FARP1: variants seen among roughly 807,000 people sequenced by gnomAD.
FARP1 encodes the protein FERM, ARH/RhoGEF and pleckstrin domain protein 1.
A neutral mutation model predicts 128.8 loss-of-function variants in FARP1; 52 were observed. The observed-to-expected ratio is 0.40, with a 90% CI of 0.32 to 0.51. The LOEUF (loss-of-function observed/expected upper bound fraction) is 0.51, where lower values mean the gene tolerates loss of function less well. Among genes scored for constraint, FARP1 ranks in the 20% least tolerant of loss-of-function variants. The probability of loss-of-function intolerance (pLI) is 0.45; values close to 1 mark genes in which losing one functional copy is unlikely to be tolerated. For synonymous variants in FARP1, 580 were observed against 551.8 expected, an observed-to-expected ratio of 1.05 and a Z score of -0.72; for missense variants, 1,333 against 1,367.9, an observed-to-expected ratio of 0.97 and a Z score of 0.40.
chr13:98,273,349 T>A (rs1884474260), intron 2 of FARP1, among the ~76,000 whole-genome samples: 1 of 152,212 alleles, frequency 6.6e-6, no homozygotes, highest in East Asian at 1.9e-4. Context: ...TCCTTTGATG[T>A]CTTGCTGTCA....
At chr13:98,199,426 A>G (rs532362130) in intron 1 of FARP1, among the ~76,000 whole-genome samples, 7 of 152,342 alleles carry the variant, frequency 4.6e-5, no homozygotes, top group African/African-American at 1.2e-4. Context: ...TTTGTGTCCT[A>G]TAGGGTGTGA....
chr13:98,287,571 AT>A (rs1885244894), intron 2 of FARP1, among the ~76,000 whole-genome samples: 1 of 151,956 alleles, frequency 6.6e-6, no homozygotes, highest in Non-Finnish European at 1.5e-5. Flanking sequence ...GCTTTTACAC[AT>A]TGGCAACCAG....
chr13:98,181,862 G>T (rs575125310), intron 1 of FARP1, among the ~76,000 whole-genome samples: 1 of 151,854 alleles, frequency 6.6e-6, no homozygotes, highest in African/African-American at 2.4e-5. Context: ...TATCACACAT[G>T]GTATTTAATA....
At chr13:98,195,537 G>A (rs1430660753) in intron 1 of FARP1, among the ~76,000 whole-genome samples, 2 of 152,084 alleles carry the variant, frequency 1.3e-5, no homozygotes, top group Non-Finnish European at 2.9e-5. Context: ...CTTCAGGCGG[G>A]GCATCCAGAG....
intron 2 of FARP1, among the ~76,000 whole-genome samples, chr13:98,294,559 T>C (rs1171752496): frequency 1.3e-5 from 2 of 152,186 alleles, no homozygotes; most frequent in Non-Finnish European, 1.5e-5. Flanking sequence ...CAAGTCATTA[T>C]AGGGAAAGAT....
At chr13:98,172,308 G>A (rs991739668) in intron 1 of FARP1, among the ~76,000 whole-genome samples, 1 of 151,948 alleles carries the variant, frequency 6.6e-6, no homozygotes, top group African/African-American at 2.4e-5. Flanking sequence ...GGCAGGATCA[G>A]CAAGGCTCTG....
rs749895206 is a variant in FARP1, at chr13:98,393,730, C to T, written c.1164+12C>T. Reference sequence around the variant, plus strand: ...AAGTGCTGGAGCAGGTCAGTGATGGCGCTGTCCTATGATAACTCTGCTTTT... The same window carrying T: ...AAGTGCTGGAGCAGGTCAGTGATGGTGCTGTCCTATGATAACTCTGCTTTT... On this transcript the variant is annotated intron_variant, in intron 12 of 26. Transcript: ENST00000319562. 1.5e-5 allele frequency: 24 copies of T among 1,604,244 alleles called. No homozygotes were observed. The Middle Eastern group carries it at 4.9e-4, about 33-fold the overall frequency.
At chr13:98,424,793 G>C (rs942356841) in intron 17 of FARP1, 143 bp downstream of exon 17, 1 of 663,096 alleles carries the variant, frequency 1.5e-6, no homozygotes, top group African/African-American at 1.8e-5. Flanking sequence ...ACCCACCGCC[G>C]AGCAGCAGCT....
intron 2 of FARP1, among the ~76,000 whole-genome samples, chr13:98,260,092 G>A (rs573954700): frequency 6.6e-6 from 1 of 152,158 alleles, no homozygotes; most frequent in Non-Finnish European, 1.5e-5. Context: ...CCCATTTCAA[G>A]GAAAATTCTA....
rs1893232540 is a variant in FARP1, at chr13:98,452,214, G to C, written c.*3897G>C. 2.0e-5 allele frequency: 3 copies of C among 152,204 alleles called. No homozygotes were observed. 9.4% of individuals were successfully genotyped at this position (152,204 alleles called of 1,614,324 possible). On this transcript the variant is annotated 3_prime_UTR_variant, in exon 27 of 27. Transcript: ENST00000319562. ...CATTCAGACATTTTTAGGTGGGAAAGATGATATGCAGAATCCACTACAAGG... is the reference window on the plus strand; with the variant it reads ...CATTCAGACATTTTTAGGTGGGAAACATGATATGCAGAATCCACTACAAGG...
chr13:98,327,067 A>G (rs1157645422), intron 2 of FARP1, among the ~76,000 whole-genome samples: 2 of 152,232 alleles, frequency 1.3e-5, no homozygotes, highest in Non-Finnish European at 2.9e-5. Flanking sequence ...GACACACTCC[A>G]TTTTCATTTG....
rs751399808 is a variant in FARP1 at position 98,452,985 on chromosome 13, T to C, written c.*4668T>C. The C allele has an allele frequency of 8.4e-5, 45 of 536,288 alleles. No individual in the cohort carries two copies. The highest frequency in any genetic ancestry group is 1.4e-4 in the Non-Finnish European group (43 of 307,182). The allele number at this position is 536,288 out of a possible 1,614,324, so 33.2% of individuals were successfully genotyped here. On this transcript the variant is annotated 3_prime_UTR_variant, in exon 27 of 27. Coordinates refer to ENST00000319562, the MANE Select transcript of FARP1 (RefSeq NM_005766.4). ...AAGGAGCTGACCCTCCCCACCCATC[T>C]GAGAGACTTCATCTGGCTGCAGCAC...
chr13:98,430,611 G>A (rs1886092), intron 17 of FARP1, among the ~76,000 whole-genome samples: 98,004 of 151,730 alleles, frequency 0.65, 31,976 homozygotes, highest in East Asian at 0.95. Flanking sequence ...CGGGGCGAGG[G>A]AAGCAGAACT....
intron 12 of FARP1, among the ~76,000 whole-genome samples, 175 bp downstream of exon 12, chr13:98,393,893 C>T (rs954878996): frequency 2.6e-5 from 4 of 152,160 alleles, no homozygotes; most frequent in Non-Finnish European, 4.4e-5. Context: ...TGCCATGTGC[C>T]GGCAGCCTGG....
intron 2 of FARP1, among the ~76,000 whole-genome samples, chr13:98,280,839 CCATGGTAGTTTAAT>C (rs1419382089): frequency 2.0e-5 from 3 of 151,982 alleles, no homozygotes; most frequent in Non-Finnish European, 4.4e-5. Flanking sequence ...TATTTAGGGC[CCATGGTAGTTTAAT>C]CAGAGAAAAT....
chr13:98,344,203 G>C (rs1202140149), intron 3 of FARP1, among the ~76,000 whole-genome samples: 2 of 152,194 alleles, frequency 1.3e-5, no homozygotes, highest in African/African-American at 2.4e-5. Context: ...AGGCAGATTG[G>C]AATAGGACCA....
intron 2 of FARP1, among the ~76,000 whole-genome samples, chr13:98,268,780 G>T (rs929149700): frequency 4.5e-4 from 10 of 22,256 alleles, no homozygotes; most frequent in African/African-American, 9.1e-4. Context: ...TCCCTTCTTT[G>T]TGTGTGTGTG....
chr13:98,424,499 T>G, intron 16 of FARP1, 73 bp from the exon 17 acceptor site: 2 of 931,066 alleles, frequency 2.1e-6, no homozygotes, highest in Non-Finnish European at 3.6e-6. Flanking sequence ...AGCGGTAGGC[T>G]GATATTTGTA....
chr13:98,176,588 G>A lies in FARP1; in HGVS notation c.-24+33096G>A. ...TCCCACCCGAGCTTGTAATCGGAAC[G>A]GTCGTGGAGGAATTTGCAGCTGTCC... On this transcript the variant is annotated intron_variant, in intron 1 of 26. Coordinates refer to ENST00000319562, the MANE Select transcript of FARP1 (RefSeq NM_005766.4). This position sits in a 1 kb window ranked among gnomAD's most constrained non-coding sequence, Gnocchi z 6.2. 2 of 1,614,166 alleles carry A rather than the reference G, an allele frequency of 1.2e-6. No homozygotes were observed. The highest frequency in any genetic ancestry group is 1.6e-4 in the Middle Eastern group (1 of 6,062).
Sources: gnomAD v4.1 joint callset for allele counts (sites outside exome capture counted in the v4.1 genomes callset) on GRCh38, gnomAD v4.1.1 for gene constraint, Gnocchi (gnomAD v3.1) non-coding constraint, MANE v1.5 for transcripts, NCBI Gene and HGNC (gene_info 2026-07-23, HGNC 2026-07-21) for gene names.